LAMA3: variants seen among roughly 807,000 people sequenced by gnomAD.
LAMA3 encodes laminin subunit alpha 3.
Under a neutral mutation model 402.0 loss-of-function variants are expected in LAMA3, and 281 were observed. The ratio of observed to expected loss-of-function variants is 0.70; its 90% CI spans 0.63 to 0.77. LAMA3 has a LOEUF of 0.77. LAMA3 is among the 30% of genes least tolerant of loss of function. The pLI is 0.00. For missense variants in LAMA3, 3,840 were observed against 4,215.5 expected, an observed-to-expected ratio of 0.91 and a Z score of 2.47; for synonymous variants, 1,431 against 1,558.4, an observed-to-expected ratio of 0.92 and a Z score of 1.93.
At chr18:23,823,366 C>T (rs1293542826) in intron 20 of LAMA3, among the ~76,000 whole-genome samples, 1 of 152,196 alleles carries the variant, frequency 6.6e-6, no homozygotes, top group East Asian at 1.9e-4. Flanking sequence ...CCCTCTGCCT[C>T]CTGCGTGACA....
chr18:23,907,597 A>T lies in LAMA3; in HGVS notation c.6766A>T (p.Thr2256Ser), dbSNP rs1389807375. The T allele has an allele frequency of 6.2e-7, 1 of 1,614,044 alleles. No individual in the cohort carries two copies. Among genetic ancestry groups the T allele is most frequent in the East Asian group, 2.2e-5 (1 of 44,898 alleles). ...NNLQQTLNIV[T>S]VQKEVIDTNL... ...CCTACAGCAAACCCTGAATATTGTG[A>T]CAGTTCAGAAAGAAGTGATAGACAC... is the stretch of plus-strand genomic sequence containing the variant. Residue 2256 changes from threonine (T) to serine (S), a missense_variant, in exon 53 of 75, where the codon ACA becomes TCA. This residue lies in a region of LAMA3 where 891 missense variants were observed against 857.5 expected (regional missense o/e 1.04). Coordinates refer to ENST00000313654, the MANE Select transcript of LAMA3 (RefSeq NM_198129.4).
intron 51 of LAMA3, 35 bp downstream of exon 51, chr18:23,904,729 C>T (rs1345611458): frequency 6.2e-7 from 1 of 1,605,056 alleles, no homozygotes; most frequent in Non-Finnish European, 8.5e-7. Flanking sequence ...TCCACATTCG[C>T]TGTGGAGATG....
chr18:23,855,661 C>T (rs1322452704), intron 32 of LAMA3, among the ~76,000 whole-genome samples: 1 of 152,154 alleles, frequency 6.6e-6, no homozygotes, highest in Non-Finnish European at 1.5e-5. Context: ...GGACACTTTT[C>T]TGAGAATATG....
chr18:23,697,254 T>TAAA lies in LAMA3; in HGVS notation c.294+7278_294+7279insAAA, dbSNP rs1449813922. On this transcript the variant is annotated intron_variant, in intron 1 of 74. Transcript: ENST00000313654. ...GGTCAAAATCCTCTGTGTGATCTTT[T>TAAA]AGCCCCCAACATTTGCAATTACAAG... Among the ~76,000 whole-genome samples, 357 of 152,352 alleles carry TAAA rather than the reference T, an allele frequency of 2.3e-3. 3 individuals carry two copies. The highest frequency in any genetic ancestry group is 4.1e-3 in the Admixed American group (62 of 15,306).
At chr18:23,954,272 C>T (rs954537317) in intron 74 of LAMA3, among the ~76,000 whole-genome samples, 6 of 151,782 alleles carry the variant, frequency 4.0e-5, no homozygotes, top group African/African-American at 1.5e-4. Context: ...GGTGGTGGCC[C>T]ACACCTCTAG....
At chr18:23,882,144 T>A in intron 40 of LAMA3, 99 bp downstream of exon 40, 1 of 757,142 alleles carries the variant, frequency 1.3e-6, no homozygotes. Context: ...TGGGAAGTGA[T>A]TACCAAAGGG....
chr18:23,942,415 C>T (rs1333704588), intron 68 of LAMA3, among the ~76,000 whole-genome samples: 1 of 152,214 alleles, frequency 6.6e-6, no homozygotes, highest in Non-Finnish European at 1.5e-5. Flanking sequence ...CGTTGCATTC[C>T]TACTGTCCAG....
intron 32 of LAMA3, among the ~76,000 whole-genome samples, chr18:23,853,849 G>A (rs2064001892): frequency 6.6e-6 from 1 of 152,294 alleles, no homozygotes; most frequent in Admixed American, 6.5e-5. Flanking sequence ...TTTAAAGGAT[G>A]TTCAGCCAGA....
chr18:23,761,531 A>T (rs901403831), intron 7 of LAMA3, among the ~76,000 whole-genome samples: 8 of 152,202 alleles, frequency 5.3e-5, no homozygotes, highest in Admixed American at 4.6e-4. Context: ...AATCTGGACT[A>T]TAGGGATGAT....
At position 23,915,792 on chromosome 18, in the gene LAMA3, G is replaced by A. The variant is rs370505442; in HGVS notation, c.7778+370G>A. ...AGGTTGAGGTGGGCAGATCACCTGG[G>A]GCCAGGAGTTTGAGACCAGCCTGGC... On this transcript the variant is annotated intron_variant, in intron 59 of 74. Coordinates refer to ENST00000313654, the MANE Select transcript of LAMA3 (RefSeq NM_198129.4). 2.4e-3 allele frequency among the ~76,000 whole-genome samples: 368 copies of A among 151,708 alleles called. 2 individuals carry two copies. Among genetic ancestry groups the A allele is most frequent in the African/African-American group, 8.6e-3 (356 of 41,354 alleles).
chr18:23,826,529 T>G (rs928848309), intron 21 of LAMA3, among the ~76,000 whole-genome samples, 173 bp from the exon 22 acceptor site: 1 of 152,174 alleles, frequency 6.6e-6, no homozygotes, highest in Admixed American at 6.5e-5. Flanking sequence ...CTTTGATGAG[T>G]GGTTCTTTGT....
intron 8 of LAMA3, among the ~76,000 whole-genome samples, chr18:23,771,542 A>G (rs4349233): frequency 0.24 from 35,958 of 152,150 alleles, 6,247 homozygotes; most frequent in East Asian, 0.65. Flanking sequence ...ATAGTTTTGC[A>G]CTTATAAGTT....
In LAMA3 at chr18:23,909,149, A is replaced by G; in HGVS notation, c.7016-4A>G. The G allele has an allele frequency of 6.2e-7, 1 of 1,613,530 alleles. No homozygotes were observed. Among genetic ancestry groups the G allele is most frequent in the Non-Finnish European group, 8.5e-7 (1 of 1,179,518 alleles). On this transcript the variant is annotated splice_polypyrimidine_tract_variant and splice_region_variant and intron_variant, in intron 54 of 74. Coordinates refer to ENST00000313654, the MANE Select transcript of LAMA3 (RefSeq NM_198129.4). ...TACATTTCTATTTTTTTTCTCACCA[A>G]CAGTGAATAAGTTAACCAACAAACT...
intron 8 of LAMA3, among the ~76,000 whole-genome samples, chr18:23,772,890 T>G (rs754899459): frequency 2.0e-5 from 3 of 152,246 alleles, no homozygotes; most frequent in Non-Finnish European, 4.4e-5. Flanking sequence ...TATGTGGCAA[T>G]TACAAGGATT....
At chr18:23,696,380 T>C (rs866924884) in intron 1 of LAMA3, among the ~76,000 whole-genome samples, 2 of 152,252 alleles carry the variant, frequency 1.3e-5, no homozygotes, top group Admixed American at 1.3e-4. Context: ...TATAAACTTA[T>C]TGAGTTCTCT....
At chr18:23,931,424 A>C (rs1315530818) in intron 65 of LAMA3, 7 of 527,382 alleles carry the variant, frequency 1.3e-5, no homozygotes, top group Non-Finnish European at 2.4e-5. Flanking sequence ...AAGAAGGCTG[A>C]GGCAAGAGGG....
At chr18:23,871,292 G>A (rs1163489895) in intron 37 of LAMA3, 139 bp from the exon 38 acceptor site, 1 of 734,744 alleles carries the variant, frequency 1.4e-6, no homozygotes, top group East Asian at 2.7e-5. Context: ...CAGGAGGCAG[G>A]TATTTCCCCG....
At chr18:23,700,386 T>C (rs1182678284) in intron 1 of LAMA3, among the ~76,000 whole-genome samples, 1 of 152,094 alleles carries the variant, frequency 6.6e-6, no homozygotes, top group Non-Finnish European at 1.5e-5. Flanking sequence ...ATGGAAACCG[T>C]TGAAAAATTG....
chr18:23,781,453 A>G (rs1225476502), intron 11 of LAMA3, among the ~76,000 whole-genome samples: 1 of 152,246 alleles, frequency 6.6e-6, no homozygotes, highest in African/African-American at 2.4e-5. Flanking sequence ...GTAAAAAAGC[A>G]TACAAATGTA....
Sources: allele counts gnomAD v4.1 joint callset (sites outside exome capture counted in the v4.1 genomes callset), GRCh38; gene constraint gnomAD v4.1.1; regional missense constraint gnomAD v4.1.1; transcripts MANE v1.5; gene names NCBI Gene and HGNC (gene_info 2026-07-23, HGNC 2026-07-21).